Variants in CPNE4 observed in about 807,000 individuals in gnomAD.
CPNE4 encodes the protein copine 4.
CPNE4 carries 25 observed loss-of-function variants against 67.9 expected under a neutral mutation model. The ratio of observed to expected loss-of-function variants is 0.37; its 90% CI spans 0.27 to 0.51. The LOEUF is 0.51. Ranked by LOEUF, CPNE4 falls within the 20% of genes least tolerant of loss-of-function variation. The probability of loss-of-function intolerance (pLI) is 0.93; values close to 1 mark genes in which losing one functional copy is unlikely to be tolerated. For missense variants in CPNE4, 464 were observed against 690.8 expected (o/e 0.67, Z 3.68); for synonymous variants, 242 against 244.9 (o/e 0.99, Z 0.11).
chr3:131,848,956 C>CAAAAAAAAAAAAAAAAAA (rs67407668), intron 2 of CPNE4, among the ~76,000 whole-genome samples: 5 of 79,636 alleles, frequency 6.3e-5, no homozygotes, highest in African/African-American at 2.8e-4. Flanking sequence ...GTAGTGATTA[C>CAAAAAAAAAAAAAAAAAA]AAAAAAAAAA....
At chr3:131,775,778 A>G (rs1041612580) in intron 2 of CPNE4, among the ~76,000 whole-genome samples, 2 of 152,124 alleles carry the variant, frequency 1.3e-5, no homozygotes, top group African/African-American at 4.8e-5. Context: ...CAGCATGAAA[A>G]CAGACTAATA....
chr3:131,555,770 C>A (rs897815805), intron 11 of CPNE4, among the ~76,000 whole-genome samples: 2 of 152,026 alleles, frequency 1.3e-5, no homozygotes, highest in African/African-American at 4.8e-5. Flanking sequence ...CATTAGTCTA[C>A]AACTTCCTCC....
At chr3:131,795,824 G>A (rs1231642935) in intron 2 of CPNE4, among the ~76,000 whole-genome samples, 2 of 152,092 alleles carry the variant, frequency 1.3e-5, no homozygotes, top group South Asian at 2.1e-4. Context: ...TCCTCTTATA[G>A]CTCACTAAAT....
rs2072124446 is a variant in CPNE4 at position 131,960,140 on chromosome 3, G to A, written c.-1-54696C>T. 4.6e-5 allele frequency among the ~76,000 whole-genome samples: 7 copies of A among 151,900 alleles called. 1 individual carries two copies. The South Asian group carries it at 1.5e-3, about 32-fold the overall frequency. On this transcript the variant is annotated intron_variant, in intron 1 of 15. Coordinates refer to ENST00000429747, the MANE Select transcript of CPNE4 (RefSeq NM_130808.3). ...AAGAGTGGAGAGGGAGGGAGGAGAG[G>A]GAGGGAGATATTCAGGCTGACTGGC...
At chr3:132,034,221 G>GA (rs2074300574) in intron 1 of CPNE4, among the ~76,000 whole-genome samples, 2 of 151,988 alleles carry the variant, frequency 1.3e-5, no homozygotes, top group African/African-American at 4.8e-5. Flanking sequence ...CCCCGATTTT[G>GA]AAAACCGTAC....
chr3:131,577,852 T>C (rs1937587821), intron 9 of CPNE4, among the ~76,000 whole-genome samples: 2 of 152,184 alleles, frequency 1.3e-5, no homozygotes, highest in African/African-American at 4.8e-5. Context: ...ATGGGAGTAC[T>C]GTCATATCGG....
In CPNE4 at chr3:131,776,438, C is replaced by T. The variant is rs138660868; in HGVS notation, c.181-52813G>A. Among the ~76,000 whole-genome samples the T allele has an allele frequency of 1.8e-3, 281 of 152,250 alleles. 1 individual carries two copies. The highest frequency in any genetic ancestry group is 3.5e-3 in the Non-Finnish European group (235 of 68,006). ...ACCCTGATGGGAGGCTTTGAGAAAT[C>T]AGAGCATTCAGAGAGAGGAGGCTGA... On this transcript the variant is annotated intron_variant, in intron 2 of 15. Coordinates refer to ENST00000429747, the MANE Select transcript of CPNE4 (RefSeq NM_130808.3).
chr3:132,038,566 C>T (rs186895234), upstream of CPNE4, among the ~76,000 whole-genome samples: 14 of 152,298 alleles, frequency 9.2e-5, no homozygotes, highest in Middle Eastern at 6.8e-3. Context: ...TGTATAATTT[C>T]AGAGCAGATT....
chr3:131,750,242 T>C (rs1041059919), intron 2 of CPNE4, among the ~76,000 whole-genome samples: 1 of 152,214 alleles, frequency 6.6e-6, no homozygotes, highest in Non-Finnish European at 1.5e-5. Flanking sequence ...AGAGAGCATA[T>C]AACTGGGTAG....
At chr3:131,737,289 A>G (rs2082260093) in intron 2 of CPNE4, among the ~76,000 whole-genome samples, 1 of 151,570 alleles carries the variant, frequency 6.6e-6, no homozygotes, top group South Asian at 2.1e-4. Flanking sequence ...ACACCTGGCT[A>G]ATTTTTGTAT....
chr3:131,591,051 C>T (rs1938493813), intron 7 of CPNE4, among the ~76,000 whole-genome samples: 1 of 152,184 alleles, frequency 6.6e-6, no homozygotes, highest in Non-Finnish European at 1.5e-5. Flanking sequence ...AATTGATCTG[C>T]TGTTACAATC....
chr3:131,616,445 A>T (rs1940164260), intron 7 of CPNE4, among the ~76,000 whole-genome samples: 1 of 152,158 alleles, frequency 6.6e-6, no homozygotes, highest in South Asian at 2.1e-4. Flanking sequence ...GTGTGGCCAG[A>T]TTTCCTGTCT....
At chr3:131,727,869 T>G (rs2082037405) in intron 2 of CPNE4, among the ~76,000 whole-genome samples, 1 of 152,214 alleles carries the variant, frequency 6.6e-6, no homozygotes, top group Non-Finnish European at 1.5e-5. Flanking sequence ...GGTCTTTTAT[T>G]GTCTTTAATC....
In CPNE4 at chr3:131,992,322, T is replaced by C. The variant is rs895554879; in HGVS notation, c.-2+42245A>G. Among the ~76,000 whole-genome samples, 46 of 136,814 alleles carry C rather than the reference T, an allele frequency of 3.4e-4. 1 individual carries two copies. Among genetic ancestry groups the C allele is most frequent in the African/African-American group, 1.1e-3 (46 of 40,848 alleles). The allele number at this position is 136,814 out of a possible 152,430, so 89.8% of individuals were successfully genotyped here. ...AGGCTGTGGGAGCCCACCTCTTCCA[T>C]TAGTATGACCTGGGTGTGAGACATG... On this transcript the variant is annotated intron_variant, in intron 1 of 15. Coordinates refer to ENST00000429747, the MANE Select transcript of CPNE4 (RefSeq NM_130808.3).
At chr3:131,826,583 T>C (rs2085168894) in intron 2 of CPNE4, among the ~76,000 whole-genome samples, 2 of 152,140 alleles carry the variant, frequency 1.3e-5, no homozygotes, top group Non-Finnish European at 2.9e-5. Context: ...TGTTTGTTTG[T>C]TCGCTTTTTC....
chr3:131,956,613 T>C (rs539428121), intron 1 of CPNE4, among the ~76,000 whole-genome samples: 1 of 150,076 alleles, frequency 6.7e-6, no homozygotes, highest in African/African-American at 2.4e-5. Context: ...TAAAGTTCAA[T>C]ACAGCATTTA....
Position 131,535,154 on chromosome 3 carries a change from A to C in CPNE4, c.*41T>G, listed in dbSNP as rs1208220585. On this transcript the variant is annotated 3_prime_UTR_variant, in exon 16 of 16. Coordinates refer to ENST00000429747, the MANE Select transcript of CPNE4 (RefSeq NM_130808.3). The stretch of plus-strand genomic sequence containing the variant: ...GAAGTATTAAATATGAAATATTAGC[A>C]GGAATAGTATTTCAGAACTCTGTAA... 1 of 1,538,644 alleles carries C rather than the reference A, an allele frequency of 6.5e-7. No individual in the cohort carries two copies. The highest frequency in any genetic ancestry group is 2.0e-5 in the Admixed American group (1 of 49,646).
intron 2 of CPNE4, among the ~76,000 whole-genome samples, chr3:131,748,120 A>T (rs764380377): frequency 6.6e-6 from 1 of 152,006 alleles, no homozygotes; most frequent in African/African-American, 2.4e-5. Context: ...TTTCTTTTGT[A>T]GCCTGTTAAT....
chr3:131,720,732 G>A (rs954194321), intron 3 of CPNE4, among the ~76,000 whole-genome samples: 14 of 152,100 alleles, frequency 9.2e-5, no homozygotes, highest in East Asian at 3.9e-4. Context: ...AGTTACGTAC[G>A]GTGGTATCTA....
Sources: allele counts gnomAD v4.1 joint callset (sites outside exome capture counted in the v4.1 genomes callset), GRCh38; gene constraint gnomAD v4.1.1; transcripts MANE v1.5; gene names NCBI Gene and HGNC (gene_info 2026-07-23, HGNC 2026-07-21).